PTPRD: variants seen among roughly 807,000 people sequenced by gnomAD.
PTPRD encodes receptor-type tyrosine-protein phosphatase delta.
Under a neutral mutation model 214.5 loss-of-function variants are expected in PTPRD, and 34 were observed. That is an observed-to-expected ratio of 0.16 (90% CI 0.12 to 0.21). PTPRD has a LOEUF of 0.21. Ranked by LOEUF, PTPRD falls within the 10% of genes least tolerant of loss-of-function variation. PTPRD has a pLI of 1.00. For missense variants in PTPRD, 2,545 were observed against 2,398.7 expected (o/e 1.06, Z -1.27); for synonymous variants, 1,128 against 845.7 (o/e 1.33, Z -5.79).
intron 3 of PTPRD, among the ~76,000 whole-genome samples, chr9:10,254,832 C>G (rs1226326633): frequency 6.6e-6 from 1 of 152,166 alleles, no homozygotes; most frequent in Non-Finnish European, 1.5e-5. Flanking sequence ...TGGCGGGTGC[C>G]TGTCTCCCAG....
chr9:9,854,600 C>T (rs896883974), intron 5 of PTPRD, among the ~76,000 whole-genome samples: 1 of 151,962 alleles, frequency 6.6e-6, no homozygotes, highest in Non-Finnish European at 1.5e-5. Context: ...AATTTATTAT[C>T]ATTTTTTGTA....
chr9:8,613,933 G>A (rs2095529720), intron 14 of PTPRD, among the ~76,000 whole-genome samples: 1 of 151,742 alleles, frequency 6.6e-6, no homozygotes, highest in Non-Finnish European at 1.5e-5. Context: ...TCAAAGAAGA[G>A]TATCGCTATT....
intron 2 of PTPRD, among the ~76,000 whole-genome samples, chr9:10,496,648 C>T (rs1262512003): frequency 6.6e-6 from 1 of 151,950 alleles, no homozygotes; most frequent in East Asian, 1.9e-4. Context: ...AATAGCCATT[C>T]TGACTGGTGT....
intron 5 of PTPRD, among the ~76,000 whole-genome samples, chr9:9,872,273 C>A (rs2153715499): frequency 6.6e-6 from 1 of 152,270 alleles, no homozygotes; most frequent in Admixed American, 6.5e-5. Flanking sequence ...GGATCCATGT[C>A]ACCCTGGGCA....
intron 11 of PTPRD, among the ~76,000 whole-genome samples, chr9:8,929,660 G>T (rs1301775256): frequency 2.1e-5 from 3 of 141,948 alleles, no homozygotes; most frequent in Admixed American, 7.0e-5. Flanking sequence ...CTTTTTTTGT[G>T]TGTCTCTGCC....
At chr9:10,023,161 T>G (rs2096856300) in intron 4 of PTPRD, among the ~76,000 whole-genome samples, 1 of 152,230 alleles carries the variant, frequency 6.6e-6, no homozygotes, top group East Asian at 1.9e-4. Flanking sequence ...TAAATATGTT[T>G]CTATGTACAC....
intron 2 of PTPRD, among the ~76,000 whole-genome samples, chr9:10,348,085 G>T (rs1306402281): frequency 6.6e-6 from 1 of 152,106 alleles, no homozygotes; most frequent in Non-Finnish European, 1.5e-5. Context: ...ATAGATTCTT[G>T]TGAACTATAG....
intron 11 of PTPRD, among the ~76,000 whole-genome samples, chr9:8,938,207 G>A (rs1473989793): frequency 6.6e-6 from 1 of 152,040 alleles, no homozygotes; most frequent in Non-Finnish European, 1.5e-5. Context: ...TATTAAAAGT[G>A]CATTATCTAT....
At chr9:9,530,555 C>A (rs142807951) in intron 8 of PTPRD, among the ~76,000 whole-genome samples, 198 of 152,216 alleles carry the variant, frequency 1.3e-3, no homozygotes, top group African/African-American at 4.5e-3. Context: ...ATTGACTTAA[C>A]TTTCAGAGAC....
chr9:10,054,728 A>C (rs2097591392), intron 3 of PTPRD, among the ~76,000 whole-genome samples: 1 of 152,082 alleles, frequency 6.6e-6, no homozygotes, highest in African/African-American at 2.4e-5. Flanking sequence ...GCTTTCACTA[A>C]TGTCAGCAAG....
At chr9:9,625,129 C>G (rs1419884500) in intron 7 of PTPRD, among the ~76,000 whole-genome samples, 1 of 152,150 alleles carries the variant, frequency 6.6e-6, no homozygotes, top group Non-Finnish European at 1.5e-5. Context: ...CACAGTAGTT[C>G]TTGGACCTGC....
chr9:9,190,360 T>G (rs2099934355), intron 9 of PTPRD, among the ~76,000 whole-genome samples: 1 of 152,044 alleles, frequency 6.6e-6, no homozygotes, highest in African/African-American at 2.4e-5. Flanking sequence ...GGGCCAGTAT[T>G]TCCCATGCTA....
intron 14 of PTPRD, among the ~76,000 whole-genome samples, chr9:8,626,060 T>C (rs1158236543): frequency 6.6e-6 from 1 of 151,784 alleles, no homozygotes; most frequent in African/African-American, 2.4e-5. Context: ...GATGAGGCAT[T>C]TGGCATATCT....
intron 9 of PTPRD, among the ~76,000 whole-genome samples, chr9:9,222,558 A>G (rs756623233): frequency 9.9e-5 from 15 of 152,050 alleles, no homozygotes; most frequent in African/African-American, 3.4e-4. Flanking sequence ...AATAAATCAA[A>G]AACCCTACTT....
chr9:8,599,988 T>C (rs1196719161), intron 14 of PTPRD, among the ~76,000 whole-genome samples: 1 of 152,168 alleles, frequency 6.6e-6, no homozygotes, highest in African/African-American at 2.4e-5. Flanking sequence ...TTTCATATTG[T>C]TGAAAGAGGC....
chr9:9,464,714 A>G (rs2093985188), intron 8 of PTPRD, among the ~76,000 whole-genome samples: 1 of 152,132 alleles, frequency 6.6e-6, no homozygotes, highest in African/African-American at 2.4e-5. Flanking sequence ...TCAAATATAA[A>G]ATCCATCTGC....
chr9:9,546,461 GC>G (rs1413570957), intron 8 of PTPRD, among the ~76,000 whole-genome samples: 2 of 151,220 alleles, frequency 1.3e-5, no homozygotes, highest in African/African-American at 4.9e-5. Context: ...TCTAATTAAT[GC>G]CATTATTTGC....
intron 11 of PTPRD, among the ~76,000 whole-genome samples, chr9:8,848,313 C>CTTTTTTTTTTTTTTTTTTT (rs371491854): frequency 1.5e-5 from 2 of 132,668 alleles, no homozygotes; most frequent in Non-Finnish European, 3.2e-5. Context: ...AAGATTTTTC[C>CTTTTTTTTTTTTTTTTTTT]TTTTTTTTTT....
chr9:10,279,327 T>C (rs367641591), intron 3 of PTPRD, among the ~76,000 whole-genome samples: 3 of 152,142 alleles, frequency 2.0e-5, no homozygotes, highest in African/African-American at 7.2e-5. Flanking sequence ...TTTAATTACG[T>C]TAGACATAAC....
Sources: allele counts gnomAD v4.1 joint callset (sites outside exome capture counted in the v4.1 genomes callset), GRCh38; gene constraint gnomAD v4.1.1; transcripts MANE v1.5; gene names NCBI Gene and HGNC (gene_info 2026-07-23, HGNC 2026-07-21).